EPHB1: variants seen among roughly 807,000 people sequenced by gnomAD.
EPHB1 encodes the protein ephrin type-B receptor 1.
In EPHB1, 30 loss-of-function variants were observed where a neutral mutation model predicts 94.4. The ratio of observed to expected loss-of-function variants is 0.32; its 90% CI spans 0.24 to 0.43. The LOEUF is 0.43. Ranked by LOEUF, EPHB1 falls within the 20% of genes least tolerant of loss-of-function variation. EPHB1 has a pLI of 1.00. For missense variants in EPHB1, 1,055 were observed against 1,308.3 expected (o/e 0.81, Z 2.99); for synonymous variants, 522 against 489.1 (o/e 1.07, Z -0.89).
At chr3:135,090,285 C>T (rs1938510213) in intron 3 of EPHB1, among the ~76,000 whole-genome samples, 1 of 152,186 alleles carries the variant, frequency 6.6e-6, no homozygotes, top group Non-Finnish European at 1.5e-5. Flanking sequence ...CTGCAAGCCC[C>T]ACTTCTCTTT....
At chr3:135,183,914 G>A (rs1199804066) in intron 10 of EPHB1, among the ~76,000 whole-genome samples, 3 of 152,208 alleles carry the variant, frequency 2.0e-5, no homozygotes, top group Non-Finnish European at 4.4e-5. Context: ...AAGGACCAAG[G>A]TTCTAGCAAG....
chr3:135,115,805 A>C (rs917703343), intron 4 of EPHB1, among the ~76,000 whole-genome samples: 3 of 152,168 alleles, frequency 2.0e-5, no homozygotes, highest in Non-Finnish European at 4.4e-5. Context: ...TGTATGTAAA[A>C]TGCCTAACTC....
At chr3:135,133,722 C>T (rs1158662829) in intron 5 of EPHB1, among the ~76,000 whole-genome samples, 1 of 152,236 alleles carries the variant, frequency 6.6e-6, no homozygotes, top group African/African-American at 2.4e-5. Context: ...TTGTGGGATG[C>T]ATAGCTCAGA....
intron 15 of EPHB1, among the ~76,000 whole-genome samples, chr3:135,256,045 G>A (rs567208412): frequency 1.3e-5 from 2 of 151,826 alleles, no homozygotes; most frequent in East Asian, 3.9e-4. Flanking sequence ...TGCAACCCCT[G>A]CCTTCTTTTG....
intron 9 of EPHB1, among the ~76,000 whole-genome samples, chr3:135,178,941 A>G (rs1157181501): frequency 6.6e-6 from 1 of 152,168 alleles, no homozygotes; most frequent in African/African-American, 2.4e-5. Flanking sequence ...CAATTCCTGT[A>G]CTTTGCTTAA....
chr3:135,149,030 G>A (rs1295763555), intron 5 of EPHB1, among the ~76,000 whole-genome samples: 1 of 152,092 alleles, frequency 6.6e-6, no homozygotes, highest in Non-Finnish European at 1.5e-5. Context: ...TACTCTGTTG[G>A]GTCAGCCTCT....
At chr3:135,132,655 A>G in intron 4 of EPHB1, 59 bp from the exon 5 acceptor site, 1 of 1,445,772 alleles carries the variant, frequency 6.9e-7, no homozygotes, top group Non-Finnish European at 9.3e-7. Context: ...CAGACAAGAG[A>G]GCTGCCGGAC....
intron 3 of EPHB1, among the ~76,000 whole-genome samples, chr3:135,085,410 G>T (rs890137953): frequency 6.6e-6 from 1 of 152,192 alleles, no homozygotes; most frequent in African/African-American, 2.4e-5. Context: ...GTTTCTGGTC[G>T]GTGTCAACAC....
At chr3:135,023,700 T>A (rs1476762599) in intron 3 of EPHB1, among the ~76,000 whole-genome samples, 2 of 152,226 alleles carry the variant, frequency 1.3e-5, no homozygotes, top group African/African-American at 2.4e-5. Flanking sequence ...TAATAATTGA[T>A]GGAAATCCCT....
At position 135,192,760 on chromosome 3, in the gene EPHB1, G is replaced by C. The variant is rs1463657910; in HGVS notation, c.2067G>C (p.Lys689Asn). The C allele has an allele frequency of 1.2e-6, 2 of 1,614,068 alleles. No individual in the cohort carries two copies. The highest frequency in any genetic ancestry group is 1.7e-6 in the Non-Finnish European group (2 of 1,180,040). The stretch of plus-strand genomic sequence containing the variant: ...TTCGCCTGGAGGGTGTGGTCACCAA[G>C]AGTCGGCCTGTCATGATCATCACAG... ...NIIRLEGVVT[K>N]SRPVMIITEF... The change falls in exon 11 of 16, where the codon AAG (lysine) becomes AAC (asparagine). Residue 689 changes from lysine (K) to asparagine (N), a missense_variant. Lys to Asn is a moderately conservative substitution (Grantham distance 94, BLOSUM62 0). Transcript: ENST00000398015.
At chr3:135,054,790 C>G (rs1054612928) in intron 3 of EPHB1, among the ~76,000 whole-genome samples, 4 of 152,170 alleles carry the variant, frequency 2.6e-5, no homozygotes, top group African/African-American at 9.7e-5. Flanking sequence ...ATAGACTTAG[C>G]TTTTTTGCCT....
chr3:135,175,226 G>A (rs1941943493), intron 9 of EPHB1, among the ~76,000 whole-genome samples: 1 of 152,158 alleles, frequency 6.6e-6, no homozygotes, highest in African/African-American at 2.4e-5. Flanking sequence ...AACATCCCCA[G>A]AGACATGTCC....
chr3:135,148,485 C>A (rs923944629), intron 5 of EPHB1, among the ~76,000 whole-genome samples: 2 of 152,094 alleles, frequency 1.3e-5, no homozygotes, highest in African/African-American at 4.8e-5. Flanking sequence ...CCCTTTGGGA[C>A]CGTTTGTACA....
chr3:134,878,995 T>C (rs2037673298), intron 1 of EPHB1, among the ~76,000 whole-genome samples: 2 of 152,176 alleles, frequency 1.3e-5, no homozygotes, highest in African/African-American at 2.4e-5. Context: ...ACTTTCTCCG[T>C]TAAGATAATC....
At chr3:134,833,472 A>T (rs775894860) in intron 1 of EPHB1, among the ~76,000 whole-genome samples, 24 of 152,260 alleles carry the variant, frequency 1.6e-4, no homozygotes, top group Non-Finnish European at 3.4e-4. Context: ...TGATTGGTTC[A>T]GGATAGTAAA....
intron 3 of EPHB1, among the ~76,000 whole-genome samples, chr3:134,953,122 C>T (rs1933105399): frequency 6.6e-6 from 1 of 152,184 alleles, no homozygotes; most frequent in Non-Finnish European, 1.5e-5. Context: ...CCATTGTGAG[C>T]CTCCTGCCAG....
At chr3:135,056,816 G>C (rs1248263111) in intron 3 of EPHB1, among the ~76,000 whole-genome samples, 1 of 152,164 alleles carries the variant, frequency 6.6e-6, no homozygotes, top group Non-Finnish European at 1.5e-5. Flanking sequence ...CTGGGAGTAG[G>C]GACACTTGTA....
chr3:134,905,176 T>C (rs776803152), intron 1 of EPHB1, among the ~76,000 whole-genome samples: 1 of 152,216 alleles, frequency 6.6e-6, no homozygotes, highest in Non-Finnish European at 1.5e-5. Context: ...TAGAATACTC[T>C]TGTAAGTTGC....
At chr3:135,012,065 T>G (rs950090041) in intron 3 of EPHB1, among the ~76,000 whole-genome samples, 3 of 152,178 alleles carry the variant, frequency 2.0e-5, no homozygotes, top group Non-Finnish European at 2.9e-5. Flanking sequence ...ATATACGTAA[T>G]GAGGGACCAC....
Sources: allele counts gnomAD v4.1 joint callset (sites outside exome capture counted in the v4.1 genomes callset), GRCh38; gene constraint gnomAD v4.1.1; transcripts MANE v1.5; gene names NCBI Gene and HGNC (gene_info 2026-07-23, HGNC 2026-07-21).